Variants in CNTNAP2 observed in about 807,000 individuals in gnomAD.
The protein encoded by CNTNAP2 is contactin-associated protein-like 2.
CNTNAP2 carries 98 observed loss-of-function variants against 155.2 expected under a neutral mutation model. The ratio of observed to expected loss-of-function variants is 0.63; its 90% CI spans 0.54 to 0.75. The LOEUF (loss-of-function observed/expected upper bound fraction) is 0.75. Ranked by LOEUF, CNTNAP2 falls within the 30% of genes least tolerant of loss-of-function variation. The probability of loss-of-function intolerance (pLI) is 0.00; values close to 1 mark genes in which losing one functional copy is unlikely to be tolerated. For missense variants in CNTNAP2, 1,727 were observed against 1,688.1 expected (o/e 1.02, Z -0.40); for synonymous variants, 651 against 631.2 (o/e 1.03, Z -0.47).
chr7:147,882,847 G>A (rs2116718673), intron 13 of CNTNAP2, among the ~76,000 whole-genome samples: 1 of 152,256 alleles, frequency 6.6e-6, no homozygotes, highest in South Asian at 2.1e-4. Flanking sequence ...ATCCTTATAT[G>A]TGAATTTTCT....
intron 13 of CNTNAP2, among the ~76,000 whole-genome samples, chr7:147,851,541 G>A (rs2116669395): frequency 6.6e-6 from 1 of 152,232 alleles, no homozygotes; most frequent in South Asian, 2.1e-4. Context: ...ATCAATGATA[G>A]ACTGGATTAA....
chr7:147,637,043 C>A (rs1294227052), intron 12 of CNTNAP2, among the ~76,000 whole-genome samples: 1 of 152,074 alleles, frequency 6.6e-6, no homozygotes, highest in Non-Finnish European at 1.5e-5. Flanking sequence ...GCCAAAGGAG[C>A]AAGGAGGGAG....
At chr7:147,874,259 C>G (rs1799384093) in intron 13 of CNTNAP2, among the ~76,000 whole-genome samples, 1 of 152,222 alleles carries the variant, frequency 6.6e-6, no homozygotes, top group African/African-American at 2.4e-5. Context: ...CATTTCCCTT[C>G]TGCACTGACC....
chr7:146,807,504 A>T lies in CNTNAP2; in HGVS notation c.209-32207A>T, dbSNP rs192040926. On this transcript the variant is annotated intron_variant, in intron 2 of 23. Coordinates refer to ENST00000361727, the MANE Select transcript of CNTNAP2 (RefSeq NM_014141.6). ...ATGAAACTGAGAAAAAGAGAGGAAC[A>T]TGTAAATTATTTGATCAGTAAATCT... 2.6e-4 allele frequency among the ~76,000 whole-genome samples: 40 copies of T among 152,308 alleles called. No individual in the cohort carries two copies. The East Asian group carries it at 7.7e-3, about 29-fold the overall frequency.
chr7:147,097,932 G>A (rs1584841126), intron 4 of CNTNAP2, among the ~76,000 whole-genome samples: 1 of 152,274 alleles, frequency 6.6e-6, no homozygotes, highest in Admixed American at 6.5e-5. Flanking sequence ...CCTGGAGTCA[G>A]CCACAACTGT....
chr7:146,301,396 G>A (rs539296120), intron 1 of CNTNAP2, among the ~76,000 whole-genome samples: 3 of 152,072 alleles, frequency 2.0e-5, no homozygotes, highest in South Asian at 2.1e-4. Flanking sequence ...AGGCTGAGAC[G>A]GGCAGATCAC....
At chr7:147,669,290 A>T (rs1795748878) in intron 13 of CNTNAP2, among the ~76,000 whole-genome samples, 1 of 152,198 alleles carries the variant, frequency 6.6e-6, no homozygotes, top group Admixed American at 6.5e-5. Context: ...AAAACTTTCA[A>T]AACAAATAAA....
chr7:146,641,081 C>T (rs1029726041), intron 1 of CNTNAP2, among the ~76,000 whole-genome samples: 1 of 152,172 alleles, frequency 6.6e-6, no homozygotes, highest in Non-Finnish European at 1.5e-5. Flanking sequence ...AATCCCAGCA[C>T]TTTGGGAGGC....
intron 1 of CNTNAP2, among the ~76,000 whole-genome samples, chr7:146,428,662 T>C (rs372466471): frequency 1.3e-5 from 2 of 152,098 alleles, no homozygotes; most frequent in Non-Finnish European, 2.9e-5. Flanking sequence ...CTTTGTCAGA[T>C]GGATAGATTG....
chr7:148,361,595 C>G (rs1798621019), intron 21 of CNTNAP2, among the ~76,000 whole-genome samples: 1 of 152,178 alleles, frequency 6.6e-6, no homozygotes, highest in South Asian at 2.1e-4. Flanking sequence ...CTCCACCTGC[C>G]TTTCTCCCTG....
chr7:147,566,928 T>A (rs1800186500), intron 12 of CNTNAP2, among the ~76,000 whole-genome samples: 7 of 152,110 alleles, frequency 4.6e-5, no homozygotes, highest in Admixed American at 4.6e-4. Context: ...AGATCATCTG[T>A]GTGGAGGTTA....
intron 3 of CNTNAP2, among the ~76,000 whole-genome samples, chr7:146,967,501 G>A (rs1449435343): frequency 6.6e-6 from 1 of 152,100 alleles, no homozygotes; most frequent in African/African-American, 2.4e-5. Flanking sequence ...GTGGTTTGTA[G>A]TTCTCCTTGA....
intron 10 of CNTNAP2, among the ~76,000 whole-genome samples, chr7:147,481,660 G>C (rs771126645): frequency 1.3e-5 from 2 of 152,194 alleles, no homozygotes; most frequent in Non-Finnish European, 2.9e-5. Flanking sequence ...AACTAAGTAT[G>C]AGTTCGATGG....
In CNTNAP2 at chr7:146,655,115, A is replaced by G. The variant is rs1799973890; in HGVS notation, c.98-119156A>G. Among the ~76,000 whole-genome samples, 5 of 152,260 alleles carry G rather than the reference A, an allele frequency of 3.3e-5. No individual in the cohort carries two copies. The South Asian group carries it at 1.0e-3, about 32-fold the overall frequency. On this transcript the variant is annotated intron_variant, in intron 1 of 23. Coordinates refer to ENST00000361727, the MANE Select transcript of CNTNAP2 (RefSeq NM_014141.6). The stretch of plus-strand genomic sequence containing the variant: ...TTATAAGTCACAATACGTGAAATGA[A>G]CATAATTCTCTGAATATGTCACATT...
At chr7:146,601,633 GA>G (rs1364860575) in intron 1 of CNTNAP2, among the ~76,000 whole-genome samples, 2 of 152,020 alleles carry the variant, frequency 1.3e-5, no homozygotes, top group African/African-American at 4.8e-5. Context: ...TATGATAAAA[GA>G]AGTATGCAAA....
chr7:147,076,851 A>T (rs1800009810), intron 4 of CNTNAP2, among the ~76,000 whole-genome samples: 1 of 152,314 alleles, frequency 6.6e-6, no homozygotes, highest in African/African-American at 2.4e-5. Context: ...AAACAAGAAG[A>T]AAAAGAGCAT....
chr7:146,997,747 G>C (rs1025624579), intron 3 of CNTNAP2, among the ~76,000 whole-genome samples: 1 of 152,026 alleles, frequency 6.6e-6, no homozygotes, highest in African/African-American at 2.4e-5. Context: ...GGTCTGTTCA[G>C]AGATTCTACT....
rs140412632 is a variant in CNTNAP2 at position 146,349,394 on chromosome 7, C to G, written c.97+232421C>G. ...CTCTCATTTCTAACTTCTCTCCTGT[C>G]TGAGCTACTTATGGCATAATGAAAA... On this transcript the variant is annotated intron_variant, in intron 1 of 23. Coordinates refer to ENST00000361727, the MANE Select transcript of CNTNAP2 (RefSeq NM_014141.6). Among the ~76,000 whole-genome samples, 17 of 152,328 alleles carry G rather than the reference C, an allele frequency of 1.1e-4. 1 individual carries two copies. The highest frequency in any genetic ancestry group is 4.1e-4 in the African/African-American group (17 of 41,570).
chr7:147,109,041 T>C (rs1800824020), intron 5 of CNTNAP2, among the ~76,000 whole-genome samples: 1 of 152,190 alleles, frequency 6.6e-6, no homozygotes, highest in Non-Finnish European at 1.5e-5. Flanking sequence ...CATTACAAAT[T>C]GTTTAGATAT....
Sources: gnomAD v4.1 joint callset for allele counts (sites outside exome capture counted in the v4.1 genomes callset) on GRCh38, gnomAD v4.1.1 for gene constraint, MANE v1.5 for transcripts, NCBI Gene and HGNC (gene_info 2026-07-23, HGNC 2026-07-21) for gene names.